PLPPR5: variants seen among roughly 807,000 people sequenced by gnomAD.
PLPPR5 encodes phospholipid phosphatase related 5.
Under a neutral mutation model 33.9 loss-of-function variants are expected in PLPPR5, and 16 were observed. The ratio of observed to expected loss-of-function variants is 0.47; its 90% CI spans 0.32 to 0.72. The LOEUF is 0.72. Among genes scored for constraint, PLPPR5 ranks in the 30% least tolerant of loss-of-function variants. The pLI is 0.03. For synonymous variants in PLPPR5, 163 were observed against 150.3 expected (o/e 1.08, Z -0.62); for missense variants, 301 against 406.7 (o/e 0.74, Z 2.23).
At chr1:98,939,270 T>G (rs1351799413) in intron 3 of PLPPR5, among the ~76,000 whole-genome samples, 1 of 147,944 alleles carries the variant, frequency 6.8e-6, no homozygotes, top group Admixed American at 6.8e-5. Context: ...TAGTTATTAC[T>G]GAAAATAATT....
chr1:98,975,231 T>C (rs10489921), intron 1 of PLPPR5, among the ~76,000 whole-genome samples: 13,856 of 152,126 alleles, frequency 0.091, 733 homozygotes, highest in Non-Finnish European at 0.11. Flanking sequence ...ATTCATCTCA[T>C]TGGTTTATAG....
chr1:98,921,635 A>AAAATATAT (rs1233356783), intron 4 of PLPPR5, among the ~76,000 whole-genome samples: 1 of 152,216 alleles, frequency 6.6e-6, no homozygotes, highest in Non-Finnish European at 1.5e-5. Flanking sequence ...ATTTTATATG[A>AAAATATAT]AAATATATTG....
chr1:98,937,835 A>G (rs1442114427), intron 3 of PLPPR5, among the ~76,000 whole-genome samples: 1 of 152,226 alleles, frequency 6.6e-6, no homozygotes, highest in African/African-American at 2.4e-5. Flanking sequence ...GTTAAGGAGC[A>G]ATAGTAAACA....
intron 3 of PLPPR5, among the ~76,000 whole-genome samples, chr1:98,934,584 A>G (rs779608452): frequency 2.2e-4 from 33 of 152,164 alleles, no homozygotes; most frequent in Non-Finnish European, 4.3e-4. Flanking sequence ...GTTGCTGCTG[A>G]CCTCAAGGAG....
chr1:98,892,907 C>T lies in PLPPR5; in HGVS notation c.*165G>A. ...AAGACAATCCTGCCCTCGAGGAGCT[C>T]ACAGTCTAGTGGGGGAAACAGATAG... On this transcript the variant is annotated 3_prime_UTR_variant, in exon 6 of 6. Coordinates refer to ENST00000263177, the MANE Select transcript of PLPPR5 (RefSeq NM_001037317.2). 1.5e-6 allele frequency: 1 copy of T among 669,892 alleles called. No individual in the cohort carries two copies. The highest frequency in any genetic ancestry group is 2.5e-6 in the Non-Finnish European group (1 of 396,002). 41.5% of individuals were successfully genotyped at this position (669,892 alleles called of 1,614,324 possible).
intron 3 of PLPPR5, among the ~76,000 whole-genome samples, chr1:98,935,636 TGTAA>T (rs1277800962): frequency 1.3e-5 from 2 of 152,156 alleles, no homozygotes; most frequent in Admixed American, 6.5e-5. Flanking sequence ...TGGGTGTCAC[TGTAA>T]GTAAGTTAAA....
intron 1 of PLPPR5, among the ~76,000 whole-genome samples, chr1:99,002,419 G>A (rs968947987): frequency 1.3e-5 from 2 of 152,138 alleles, no homozygotes; most frequent in Non-Finnish European, 2.9e-5. Context: ...AAGTCGCATG[G>A]CATTCAGGCA....
At chr1:98,899,657 TG>T (rs375642144) in intron 5 of PLPPR5, among the ~76,000 whole-genome samples, 17,933 of 143,134 alleles carry the variant, frequency 0.13, 1,374 homozygotes, top group Non-Finnish European at 0.16. Flanking sequence ...TTATTTCACT[TG>T]TTTTTTTTTT....
chr1:98,932,743 G>A (rs2101178903), intron 3 of PLPPR5, among the ~76,000 whole-genome samples: 1 of 152,316 alleles, frequency 6.6e-6, no homozygotes, highest in East Asian at 1.9e-4. Context: ...ATGCACATTA[G>A]TTGGTTATAA....
chr1:98,956,138 C>T (rs1650991627), intron 2 of PLPPR5, among the ~76,000 whole-genome samples: 2 of 152,066 alleles, frequency 1.3e-5, no homozygotes, highest in African/African-American at 2.4e-5. Flanking sequence ...TGTTCGACAA[C>T]CTACCTGGAT....
intron 1 of PLPPR5, among the ~76,000 whole-genome samples, chr1:98,996,561 TA>T (rs1335929364): frequency 2.0e-5 from 3 of 152,104 alleles, no homozygotes; most frequent in Middle Eastern, 3.2e-3. Flanking sequence ...TCACATATGT[TA>T]AAATATCTTT....
chr1:98,938,132 T>C (rs1335126361), intron 3 of PLPPR5, among the ~76,000 whole-genome samples: 1 of 151,562 alleles, frequency 6.6e-6, no homozygotes, highest in Non-Finnish European at 1.5e-5. Flanking sequence ...ATTTAAACAG[T>C]AGTTTTGAAA....
chr1:98,933,143 A>G (rs987147741), intron 3 of PLPPR5, among the ~76,000 whole-genome samples: 6 of 152,042 alleles, frequency 3.9e-5, no homozygotes, highest in Non-Finnish European at 8.8e-5. Flanking sequence ...TTTTTCATCC[A>G]GGGACAAACA....
intron 1 of PLPPR5, among the ~76,000 whole-genome samples, chr1:98,989,938 T>C (rs1652392691): frequency 6.6e-6 from 1 of 152,182 alleles, no homozygotes; most frequent in Non-Finnish European, 1.5e-5. Flanking sequence ...TAAAAGCCAA[T>C]TAAGATATTT....
chr1:98,988,309 G>A (rs1652331486), intron 1 of PLPPR5, among the ~76,000 whole-genome samples: 1 of 152,084 alleles, frequency 6.6e-6, no homozygotes, highest in Admixed American at 6.6e-5. Context: ...CAAGTTTAAT[G>A]AGATTAGACC....
At chr1:98,950,204 G>A (rs1650727058) in intron 3 of PLPPR5, among the ~76,000 whole-genome samples, 1 of 151,820 alleles carries the variant, frequency 6.6e-6, no homozygotes, top group African/African-American at 2.4e-5. Context: ...TTTATAAATG[G>A]GTAAAATAAT....
chr1:98,920,300 A>G (rs1649498528), intron 4 of PLPPR5, among the ~76,000 whole-genome samples: 1 of 152,094 alleles, frequency 6.6e-6, no homozygotes, highest in Non-Finnish European at 1.5e-5. Flanking sequence ...GGACCCGCAG[A>G]GCTGAAATAC....
chr1:98,978,465 A>C (rs1042312120), intron 1 of PLPPR5, among the ~76,000 whole-genome samples: 6 of 151,904 alleles, frequency 3.9e-5, no homozygotes, highest in Non-Finnish European at 8.8e-5. Flanking sequence ...TCTTTCTACA[A>C]ATTCCTCAAT....
intron 1 of PLPPR5, among the ~76,000 whole-genome samples, chr1:98,968,403 C>CTTCT (rs1651528380): frequency 6.6e-6 from 1 of 151,942 alleles, no homozygotes; most frequent in South Asian, 2.1e-4. Flanking sequence ...ATTTTCCCCT[C>CTTCT]TTCTTTATCA....
Sources: gnomAD v4.1 joint callset for allele counts (sites outside exome capture counted in the v4.1 genomes callset) on GRCh38, gnomAD v4.1.1 for gene constraint, MANE v1.5 for transcripts, NCBI Gene and HGNC (gene_info 2026-07-23, HGNC 2026-07-21) for gene names.